Variants in TECPR2 observed in about 807,000 individuals in gnomAD.
TECPR2 encodes tectonin beta-propeller repeat containing 2, also known as tectonin beta-propeller repeat-containing protein 2.
Under a neutral mutation model 138.1 loss-of-function variants are expected in TECPR2, and 65 were observed. The observed-to-expected ratio is 0.47, with a 90% CI of 0.39 to 0.58. The LOEUF (loss-of-function observed/expected upper bound fraction) is 0.58. Among genes scored for constraint, TECPR2 ranks in the 20% least tolerant of loss-of-function variants. The pLI is 0.00. For missense variants in TECPR2, 1,553 were observed against 1,824.5 expected, an observed-to-expected ratio of 0.85 and a Z score of 2.71; for synonymous variants, 746 against 749.8, an observed-to-expected ratio of 0.99 and a Z score of 0.08.
intron 17 of TECPR2, 148 bp from the exon 18 acceptor site, chr14:102,496,830 TA>T: frequency 8.5e-7 from 1 of 1,176,810 alleles, no homozygotes; most frequent in African/African-American, 1.5e-5. Context: ...AGACTGGCAC[TA>T]GGGGCAGGAC....
intron 13 of TECPR2, 96 bp downstream of exon 13, chr14:102,446,043 A>C: frequency 7.5e-7 from 1 of 1,338,244 alleles, no homozygotes; most frequent in Non-Finnish European, 1.0e-6. Context: ...TACTAGATTA[A>C]ATTTAAAATA....
At chr14:102,404,559 C>T (rs922109855) in intron 2 of TECPR2, among the ~76,000 whole-genome samples, 2 of 151,116 alleles carry the variant, frequency 1.3e-5, no homozygotes, top group Non-Finnish European at 2.9e-5. Flanking sequence ...GAAATAAACC[C>T]TCTTATATAG....
chr14:102,487,751 C>T (rs1167634036), intron 17 of TECPR2, among the ~76,000 whole-genome samples: 1 of 151,544 alleles, frequency 6.6e-6, no homozygotes, highest in Non-Finnish European at 1.5e-5. Flanking sequence ...CTGTGTTAGC[C>T]AGGATGGTCT....
intron 16 of TECPR2, among the ~76,000 whole-genome samples, chr14:102,463,785 G>A (rs1425965355): frequency 6.6e-6 from 1 of 151,828 alleles, no homozygotes; most frequent in African/African-American, 2.4e-5. Flanking sequence ...TTAGCTGGGC[G>A]TGGTGGCACG....
chr14:102,492,427 C>T (rs984488418), intron 17 of TECPR2, among the ~76,000 whole-genome samples: 1 of 152,254 alleles, frequency 6.6e-6, no homozygotes, highest in Non-Finnish European at 1.5e-5. Context: ...CACAGGTGCA[C>T]TCAAATTGGG....
rs1459127054 is a variant in TECPR2, at chr14:102,367,992, GC to G, written c.-73+4878del. On this transcript the variant is annotated intron_variant, in intron 1 of 19. Coordinates refer to ENST00000359520, the MANE Select transcript of TECPR2 (RefSeq NM_014844.5). ...TGAACATCTTTTTATGTGCTTATTGGCCTTTTTTTTTTTTTTTTTTTTTTTT... is the reference window on the plus strand; with the variant it reads ...TGAACATCTTTTTATGTGCTTATTGGCTTTTTTTTTTTTTTTTTTTTTTTT... Among the ~76,000 whole-genome samples, 37 of 117,994 alleles carry G rather than the reference GC, an allele frequency of 3.1e-4. No homozygotes were observed. The South Asian group carries it at 5.3e-3, about 17-fold the overall frequency. 77.4% of individuals were successfully genotyped at this position (117,994 alleles called of 152,430 possible). A position where few individuals can be genotyped will look rare whatever the true frequency, so the allele number is the denominator to read the frequency against.
rs1011951369 is a variant in TECPR2 at position 102,460,271 on chromosome 14, G to A, written c.3641-4870G>A. ...GGTGCCACTGCACTCCAGCCTGGGC[G>A]ACAGAATGAGACTCTGTCTCAAAAA... is the stretch of plus-strand genomic sequence containing the variant. On this transcript the variant is annotated intron_variant, in intron 16 of 19. Coordinates refer to ENST00000359520, the MANE Select transcript of TECPR2 (RefSeq NM_014844.5). Among the ~76,000 whole-genome samples, 5 of 152,114 alleles carry A rather than the reference G, an allele frequency of 3.3e-5. 1 individual carries two copies. In the South Asian group the frequency reaches 6.2e-4, roughly 19 times the overall value.
In TECPR2 at chr14:102,498,071, G is replaced by A. The variant is rs75405230; in HGVS notation, c.4082-32G>A. The A allele has an allele frequency of 0.019, 30,045 of 1,605,032 alleles. 333 individuals are homozygous for A. The highest frequency in any genetic ancestry group is 0.023 in the Non-Finnish European group (26,829 of 1,174,738). ...TGCCCACCCCACAGGCTGTGTGATT[G>A]ACAAGTATGTGATTGGCTCTTGTCC... is the stretch of plus-strand genomic sequence containing the variant. On this transcript the variant is annotated intron_variant, in intron 19 of 19. Coordinates refer to ENST00000359520, the MANE Select transcript of TECPR2 (RefSeq NM_014844.5).
chr14:102,438,150 G>A lies in TECPR2; in HGVS notation c.2523G>A (p.Gly841=), dbSNP rs760185994. The A allele has an allele frequency of 1.2e-6, 2 of 1,613,376 alleles. No homozygotes were observed. Among genetic ancestry groups the A allele is most frequent in the Non-Finnish European group, 1.7e-6 (2 of 1,179,998 alleles). ...TCTGCAGCGCGTTGCCGGGCGCCGG[G>A]CTGCGCTGGCAGAAGTTTGAAGATG... ...GLFCSALPGA[G]LRWQKFEDAV... The change falls in exon 10 of 20, where the codon GGG becomes GGA. Residue 841 remains glycine (G), a synonymous_variant. Transcript: ENST00000359520.
intron 17 of TECPR2, among the ~76,000 whole-genome samples, chr14:102,496,355 G>A (rs1891279849): frequency 6.6e-6 from 1 of 152,246 alleles, no homozygotes; most frequent in African/African-American, 2.4e-5. Flanking sequence ...GCAAACTGGA[G>A]TTGCCGGTGG....
At chr14:102,427,410 C>T (rs1413902402) in intron 6 of TECPR2, among the ~76,000 whole-genome samples, 1 of 152,202 alleles carries the variant, frequency 6.6e-6, no homozygotes. Flanking sequence ...CCCTCAGAGA[C>T]TGGACCACCC....
chr14:102,413,678 C>T (rs1218212611), intron 4 of TECPR2, among the ~76,000 whole-genome samples: 2 of 152,088 alleles, frequency 1.3e-5, no homozygotes, highest in Non-Finnish European at 2.9e-5. Context: ...TGCACCCGGC[C>T]TGATGACACT....
chr14:102,486,599 C>T (rs1891031669), intron 17 of TECPR2, among the ~76,000 whole-genome samples: 1 of 152,206 alleles, frequency 6.6e-6, no homozygotes, highest in South Asian at 2.1e-4. Context: ...GCCAGGGCCC[C>T]ACAGGCGCTG....
At chr14:102,407,216 A>G in intron 2 of TECPR2, 122 bp from the exon 3 acceptor site, 3 of 1,293,758 alleles carry the variant, frequency 2.3e-6, no homozygotes, top group African/African-American at 1.5e-5. Flanking sequence ...TACCTTTTCA[A>G]TCAAGAATAT....
rs1891359382 is a variant in TECPR2 at position 102,498,662 on chromosome 14, G to A, written c.*405G>A. ...GCCTCCTTCCACATTAGTAGCCCCA[G>A]GGCCAGATGGAGCCAAAGGTCAGCT... On this transcript the variant is annotated 3_prime_UTR_variant, in exon 20 of 20. Transcript: ENST00000359520. The A allele has an allele frequency of 5.0e-6, 2 of 399,730 alleles. No individual in the cohort carries two copies. The highest frequency in any genetic ancestry group is 9.6e-6 in the Non-Finnish European group (2 of 208,104). The allele number at this position is 399,730 out of a possible 1,614,324, so 24.8% of individuals were successfully genotyped here. A position where few individuals can be genotyped will look rare whatever the true frequency, so the allele number is the denominator to read the frequency against.
At chr14:102,411,340 G>C (rs931973059) in intron 4 of TECPR2, among the ~76,000 whole-genome samples, 2 of 152,196 alleles carry the variant, frequency 1.3e-5, no homozygotes, top group African/African-American at 4.8e-5. Context: ...TGACTTCCAC[G>C]TACGTATACG....
intron 17 of TECPR2, among the ~76,000 whole-genome samples, chr14:102,483,486 G>A (rs1388288396): frequency 3.3e-5 from 5 of 151,888 alleles, no homozygotes; most frequent in Non-Finnish European, 1.5e-5. Context: ...CTGTCACCCA[G>A]GCTGGAGCAC....
chr14:102,369,517 C>T (rs535905686), intron 1 of TECPR2, among the ~76,000 whole-genome samples: 38 of 152,118 alleles, frequency 2.5e-4, no homozygotes, highest in South Asian at 8.3e-4. Flanking sequence ...GTCGATCCTC[C>T]GGGCTCAATT....
intron 1 of TECPR2, among the ~76,000 whole-genome samples, chr14:102,374,316 C>A (rs1223879216): frequency 6.6e-6 from 1 of 152,090 alleles, no homozygotes; most frequent in South Asian, 2.1e-4. Flanking sequence ...GAAAGCACAG[C>A]CTTTGTTCTT....
Sources: gnomAD v4.1 joint callset for allele counts (sites outside exome capture counted in the v4.1 genomes callset) on GRCh38, gnomAD v4.1.1 for gene constraint, MANE v1.5 for transcripts, NCBI Gene and HGNC (gene_info 2026-07-23, HGNC 2026-07-21) for gene names.